NAPEPLD: variants seen among roughly 807,000 people sequenced by gnomAD.
The protein encoded by NAPEPLD is N-acyl phosphatidylethanolamine phospholipase D.
NAPEPLD carries 23 observed loss-of-function variants against 38.1 expected under a neutral mutation model. That is an observed-to-expected ratio of 0.60 (90% CI 0.43 to 0.86). The LOEUF is 0.86. Among genes scored for constraint, NAPEPLD ranks in the 40% least tolerant of loss-of-function variants. NAPEPLD has a pLI of 0.00. For synonymous variants in NAPEPLD, 147 were observed against 162.0 expected (o/e 0.91, Z 0.71); for missense variants, 411 against 476.8 (o/e 0.86, Z 1.28).
chr7:103,128,754 T>C lies in NAPEPLD; in HGVS notation c.23A>G (p.Gln8Arg). 1 of 1,612,288 alleles carries C rather than the reference T, an allele frequency of 6.2e-7. No individual in the cohort carries two copies. Among genetic ancestry groups the C allele is most frequent in the Non-Finnish European group, 8.5e-7 (1 of 1,179,618 alleles). Reference sequence around the variant, plus strand: ...ATATTGGCTGCTTGTCATCAGAGACTGGTTGCTTTCATTTTCATCCATGTC... The same window carrying C: ...ATATTGGCTGCTTGTCATCAGAGACCGGTTGCTTTCATTTTCATCCATGTC... MDENESN[Q>R]SLMTSSQYPK... The change falls in exon 2 of 5, where the codon CAG becomes CGG. Residue 8 changes from glutamine (Q) to arginine (R), a missense_variant. Physicochemically the swap from Gln to Arg is conservative, Grantham distance 43. Coordinates refer to ENST00000465647, the MANE Select transcript of NAPEPLD (RefSeq NM_001122838.3).
At chr7:103,143,636 C>A (rs1811942947) in intron 1 of NAPEPLD, among the ~76,000 whole-genome samples, 1 of 152,190 alleles carries the variant, frequency 6.6e-6, no homozygotes, top group African/African-American at 2.4e-5. Flanking sequence ...GGTGCCACAT[C>A]CAAGGAATGG....
At chr7:103,146,557 T>C (rs1054179186) in intron 1 of NAPEPLD, among the ~76,000 whole-genome samples, 5 of 152,080 alleles carry the variant, frequency 3.3e-5, no homozygotes, top group African/African-American at 9.7e-5. Context: ...AGGGGAAAAA[T>C]GGATTGTTCC....
At position 103,119,885 on chromosome 7, in the gene NAPEPLD, C is replaced by T. The variant is rs773688326; in HGVS notation, c.633G>A (p.Val211=). 6.2e-7 allele frequency: 1 copy of T among 1,614,210 alleles called. No homozygotes were observed. Among genetic ancestry groups the T allele is most frequent in the Non-Finnish European group, 8.5e-7 (1 of 1,180,042 alleles). The change falls in exon 3 of 5, where the codon GTG becomes GTA. Residue 211 remains valine, a synonymous_variant. Transcript: ENST00000465647. ...GCATCCAGTCAAGGAGACCCAAAGG[C>T]ACAAACCATCTCAACTCATTACCAA... ...ERFGNELRWF[V]PLGLLDWMQK...
At chr7:103,141,361 C>A (rs796912930) in intron 1 of NAPEPLD, 2 of 716,350 alleles carry the variant, frequency 2.8e-6, no homozygotes, top group South Asian at 1.4e-5. Context: ...ATTTCTTGGT[C>A]TCTTCCTCCT....
chr7:103,103,412 G>A lies in NAPEPLD; in HGVS notation c.*17C>T. 6.5e-7 allele frequency: 1 copy of A among 1,528,120 alleles called. No individual in the cohort carries two copies. The highest frequency in any genetic ancestry group is 1.3e-5 in the South Asian group (1 of 77,222). The allele number at this position is 1,528,120 out of a possible 1,614,324, so 94.7% of individuals were successfully genotyped here. ...AGATGATGCCTTTTTCATTAAAAGT[G>A]CCTGTGCTCACATTTATTAAAAGTT... is the stretch of plus-strand genomic sequence containing the variant. On this transcript the variant is annotated 3_prime_UTR_variant, in exon 5 of 5. Transcript: ENST00000465647.
chr7:103,103,326 C>T lies in NAPEPLD; in HGVS notation c.*103G>A. The T allele has an allele frequency of 7.4e-7, 1 of 1,351,274 alleles. No individual in the cohort carries two copies. The highest frequency in any genetic ancestry group is 1.0e-6 in the Non-Finnish European group (1 of 1,004,906). 83.7% of individuals were successfully genotyped at this position (1,351,274 alleles called of 1,614,324 possible). A position where few individuals can be genotyped will look rare whatever the true frequency, so the allele number is the denominator to read the frequency against. ...AACATAAACTTGCAGAAGTTGTTTC[C>T]AAATGTAAAATAATCACAATATTCA... On this transcript the variant is annotated 3_prime_UTR_variant, in exon 5 of 5. Coordinates refer to ENST00000465647, the MANE Select transcript of NAPEPLD (RefSeq NM_001122838.3).
At chr7:103,149,714 T>C (rs779597331), upstream of NAPEPLD, among the ~76,000 whole-genome samples, 1 of 152,090 alleles carries the variant, frequency 6.6e-6, no homozygotes, top group African/African-American at 2.4e-5. Flanking sequence ...ATCAAATTGG[T>C]TCCCCCCGCT....
intron 1 of NAPEPLD, among the ~76,000 whole-genome samples, chr7:103,135,124 T>C (rs893502375): frequency 7.9e-5 from 12 of 152,226 alleles, no homozygotes; most frequent in African/African-American, 2.7e-4. Flanking sequence ...TAAATACTAA[T>C]TGAGTTCTTG....
At chr7:103,115,233 ATC>A in intron 3 of NAPEPLD, 59 bp from the exon 4 acceptor site, 2 of 1,274,086 alleles carry the variant, frequency 1.6e-6, no homozygotes, top group South Asian at 2.5e-5. Context: ...AAATTCTAAA[ATC>A]TGTTTCACTT....
chr7:103,122,715 C>T (rs866579623), intron 2 of NAPEPLD, among the ~76,000 whole-genome samples: 1 of 152,108 alleles, frequency 6.6e-6, no homozygotes, highest in Non-Finnish European at 1.5e-5. Flanking sequence ...AAGTTCCAAC[C>T]CTGACAACAA....
At chr7:103,132,615 A>G (rs1164355294) in intron 1 of NAPEPLD, among the ~76,000 whole-genome samples, 2 of 151,708 alleles carry the variant, frequency 1.3e-5, no homozygotes, top group South Asian at 4.1e-4. Flanking sequence ...ATAAATAAAT[A>G]AATAAAATAA....
intron 1 of NAPEPLD, among the ~76,000 whole-genome samples, chr7:103,129,877 C>T (rs529116137): frequency 6.6e-6 from 1 of 152,210 alleles, no homozygotes; most frequent in South Asian, 2.1e-4. Flanking sequence ...ACACATAAAC[C>T]CAACATCACA....
chr7:103,116,412 T>C (rs1407620012), intron 3 of NAPEPLD, among the ~76,000 whole-genome samples: 10 of 152,200 alleles, frequency 6.6e-5, no homozygotes, highest in African/African-American at 2.2e-4. Context: ...CCTGCCTCAC[T>C]GTTACTTTTA....
intron 1 of NAPEPLD, among the ~76,000 whole-genome samples, chr7:103,145,488 T>C (rs771339766): frequency 4.6e-5 from 7 of 152,242 alleles, no homozygotes; most frequent in Admixed American, 6.5e-5. Context: ...ATTTCATATC[T>C]GTGAAATGGT....
intron 4 of NAPEPLD, among the ~76,000 whole-genome samples, chr7:103,108,789 G>A (rs1164176964): frequency 6.6e-6 from 1 of 152,124 alleles, no homozygotes; most frequent in Non-Finnish European, 1.5e-5. Flanking sequence ...AAAAGACACA[G>A]ACTGGTAAAC....
At chr7:103,113,377 A>G (rs1804907006) in intron 4 of NAPEPLD, among the ~76,000 whole-genome samples, 1 of 152,146 alleles carries the variant, frequency 6.6e-6, no homozygotes. Context: ...TGGCACAGGA[A>G]TTTTGATTAG....
Position 103,128,797 on chromosome 7 carries a change from A to G in NAPEPLD, c.-16-5T>C, listed in dbSNP as rs74898469. 2.0e-3 allele frequency: 3,245 copies of G among 1,596,692 alleles called. 67 individuals are homozygous for G. The African/African-American group carries it at 0.04, about 20-fold the overall frequency. On this transcript the variant is annotated splice_polypyrimidine_tract_variant and splice_region_variant and intron_variant, in intron 1 of 4. Coordinates refer to ENST00000465647, the MANE Select transcript of NAPEPLD (RefSeq NM_001122838.3). ...TCCATGTCCTTTGGTGAAGAACTAA[A>G]AAAAACAAGGGGGAAAAATACTGAG...
At chr7:103,127,502 G>A (rs1426445137) in intron 2 of NAPEPLD, 1 of 152,112 alleles carries the variant, frequency 6.6e-6, no homozygotes, top group Non-Finnish European at 1.5e-5. Context: ...GGAACAAGTG[G>A]GATGCAGAAA....
At chr7:103,119,544 T>C (rs1370034345) in intron 3 of NAPEPLD, 33 bp downstream of exon 3, 8 of 1,570,466 alleles carry the variant, frequency 5.1e-6, no homozygotes, top group Non-Finnish European at 5.2e-6. Context: ...ATTTATCACA[T>C]AGCAGGAATG....
Sources: gnomAD v4.1 joint callset for allele counts (sites outside exome capture counted in the v4.1 genomes callset) on GRCh38, gnomAD v4.1.1 for gene constraint, MANE v1.5 for transcripts, NCBI Gene and HGNC (gene_info 2026-07-23, HGNC 2026-07-21) for gene names.